Variants in NFAT5 observed in about 807,000 individuals in gnomAD.
NFAT5 encodes the protein nuclear factor of activated T cells 5, also known as nuclear factor of activated T-cells 5.
In NFAT5, 31 loss-of-function variants were observed where a neutral mutation model predicts 166.5. The observed-to-expected ratio is 0.19, with a 90% CI of 0.14 to 0.25. The LOEUF (loss-of-function observed/expected upper bound fraction) is 0.25. NFAT5 is among the 10% of genes least tolerant of loss of function. NFAT5 has a pLI of 1.00. For missense variants in NFAT5, 1,449 were observed against 1,821.8 expected (o/e 0.80, Z 3.72); for synonymous variants, 612 against 639.7 (o/e 0.96, Z 0.65).
chr16:69,690,991 C>T lies in NFAT5; in HGVS notation c.1826C>T (p.Ala609Val). The T allele has an allele frequency of 6.2e-7, 1 of 1,607,880 alleles. No individual in the cohort carries two copies. Among genetic ancestry groups the T allele is most frequent in the Non-Finnish European group, 8.5e-7 (1 of 1,177,076 alleles). ...NLDKVNIIPN[A>V]LMTPLIPSSM... ...GATAAGGTAAATATTATCCCTAATG[C>T]CCTGATGACTCCACTCATACCAAGC... The change falls in exon 12 of 15, where the codon GCC (alanine) becomes GTC (valine). Residue 609 changes from alanine (A) to valine (V), a missense_variant. By Grantham distance (64) the Ala-to-Val change is moderately conservative (BLOSUM62 0). This residue lies in a region of NFAT5 where 245 missense variants were observed against 366.6 expected (regional missense o/e 0.67). Transcript: ENST00000349945.
intron 2 of NFAT5, among the ~76,000 whole-genome samples, chr16:69,606,027 A>C (rs1299502395): frequency 6.6e-6 from 1 of 151,914 alleles, no homozygotes; most frequent in Non-Finnish European, 1.5e-5. Flanking sequence ...TTTTTCTTTT[A>C]ATAGGAATGT....
intron 3 of NFAT5, among the ~76,000 whole-genome samples, chr16:69,641,658 T>A (rs1434506379): frequency 6.6e-6 from 1 of 152,202 alleles, no homozygotes; most frequent in African/African-American, 2.4e-5. Context: ...ATATCTTTTT[T>A]ATGATATTTT....
At chr16:69,648,590 G>A in intron 4 of NFAT5, 1 of 984,132 alleles carries the variant, frequency 1.0e-6, no homozygotes, top group South Asian at 4.7e-5. Context: ...CAATAGCTAT[G>A]TTACAGAATA....
At chr16:69,569,017 G>A (rs2016277133) in intron 2 of NFAT5, among the ~76,000 whole-genome samples, 1 of 152,136 alleles carries the variant, frequency 6.6e-6, no homozygotes, top group African/African-American at 2.4e-5. Flanking sequence ...ATACTTAAGG[G>A]TAAGGAAAGC....
At position 69,693,810 on chromosome 16, in the gene NFAT5, C is replaced by G. The variant is rs2037657250; in HGVS notation, c.3985C>G (p.Gln1329Glu). 1 of 1,614,086 alleles carries G rather than the reference C, an allele frequency of 6.2e-7. No individual in the cohort carries two copies. The highest frequency in any genetic ancestry group is 1.1e-5 in the South Asian group (1 of 91,086). ...GCAACAGAACCAGTCAATTTTTCACCAACAAAGTAACATGGCCCCAATGAA... is the reference window on the plus strand; with the variant it reads ...GCAACAGAACCAGTCAATTTTTCACGAACAAAGTAACATGGCCCCAATGAA... ...QEQQNQSIFHQQSNMAPMNQE... is the reference protein window; with the variant it reads ...QEQQNQSIFHEQSNMAPMNQE... Residue 1329 changes from glutamine (Q) to glutamate (E), a missense_variant, in exon 13 of 15, where the codon CAA becomes GAA. Physicochemically the swap from Gln to Glu is conservative, Grantham distance 29. Transcript: ENST00000349945.
At chr16:69,681,925 A>G (rs537891198) in intron 10 of NFAT5, among the ~76,000 whole-genome samples, 1 of 151,346 alleles carries the variant, frequency 6.6e-6, no homozygotes, top group South Asian at 2.1e-4. Context: ...CTGAAAAAAA[A>G]AAAAAAAAAG....
chr16:69,601,397 T>A (rs2033125263), intron 2 of NFAT5, among the ~76,000 whole-genome samples: 1 of 152,164 alleles, frequency 6.6e-6, no homozygotes. Flanking sequence ...AGACAGAGTC[T>A]CTCTCTGTTG....
rs773730369 is a variant in NFAT5, at chr16:69,653,231, C to G, written c.813-5C>G. 6.5e-7 allele frequency: 1 copy of G among 1,541,458 alleles called. No homozygotes were observed. Among genetic ancestry groups the G allele is most frequent in the Non-Finnish European group, 8.7e-7 (1 of 1,153,056 alleles). ...CTTTCTCCATGTTGTGCTTTGATTT[C>G]TCAGAACATTGGAAAACCAAAAAGG... On this transcript the variant is annotated splice_polypyrimidine_tract_variant and splice_region_variant and intron_variant, in intron 4 of 14. Coordinates refer to ENST00000349945, the MANE Select transcript of NFAT5 (RefSeq NM_138713.4).
intron 1 of NFAT5, among the ~76,000 whole-genome samples, chr16:69,567,547 A>G (rs1192120312): frequency 4.6e-5 from 7 of 152,220 alleles, no homozygotes; most frequent in African/African-American, 1.7e-4. Context: ...CCTCCAAAAA[A>G]GGGACTTCAC....
At chr16:69,643,905 C>T (rs1049693274) in intron 3 of NFAT5, among the ~76,000 whole-genome samples, 3 of 152,168 alleles carry the variant, frequency 2.0e-5, no homozygotes, top group Non-Finnish European at 4.4e-5. Context: ...TTAATGCACT[C>T]AGATCTCTTG....
intron 2 of NFAT5, among the ~76,000 whole-genome samples, chr16:69,612,669 G>T (rs2033757214): frequency 6.6e-6 from 1 of 151,838 alleles, no homozygotes; most frequent in African/African-American, 2.4e-5. Flanking sequence ...AACAAAAGGA[G>T]ACCCTGTCTC....
intron 2 of NFAT5, among the ~76,000 whole-genome samples, chr16:69,616,123 G>A (rs922608638): frequency 2.0e-5 from 3 of 152,012 alleles, no homozygotes; most frequent in Non-Finnish European, 2.9e-5. Context: ...GCCTATCTAC[G>A]GAAATGCCCT....
intron 2 of NFAT5, among the ~76,000 whole-genome samples, chr16:69,599,339 G>C (rs545926272): frequency 6.6e-6 from 1 of 152,326 alleles, no homozygotes; most frequent in African/African-American, 2.4e-5. Context: ...CACTTCGGGA[G>C]GCTGAGGAGG....
chr16:69,693,686 A>G lies in NFAT5; in HGVS notation c.3861A>G (p.Leu1287=). The change falls in exon 13 of 15, where the codon TTA becomes TTG. Residue 1287 remains leucine, a synonymous_variant. Coordinates refer to ENST00000349945, the MANE Select transcript of NFAT5 (RefSeq NM_138713.4). ...QQQQQQQQSI[L]FSNQNTMATM... ...AGCAGCAACAACAACAGAGCATTTT[A>G]TTCAGTAATCAGAATACCATGGCTA... 6.2e-7 allele frequency: 1 copy of G among 1,614,236 alleles called. No homozygotes were observed. Among genetic ancestry groups the G allele is most frequent in the Non-Finnish European group, 8.5e-7 (1 of 1,180,036 alleles).
intron 10 of NFAT5, among the ~76,000 whole-genome samples, chr16:69,679,183 G>A (rs561015096): frequency 3.3e-5 from 5 of 151,948 alleles, no homozygotes; most frequent in South Asian, 2.1e-4. Context: ...TGCCCGCCTC[G>A]GCCTCCCAAA....
At chr16:69,636,950 C>T (rs945749914) in intron 3 of NFAT5, among the ~76,000 whole-genome samples, 5 of 152,286 alleles carry the variant, frequency 3.3e-5, no homozygotes, top group South Asian at 2.1e-4. Flanking sequence ...TCTTTTCTGT[C>T]GCATAGTCAG....
intron 3 of NFAT5, among the ~76,000 whole-genome samples, chr16:69,634,313 A>T (rs1317667566): frequency 2.6e-5 from 4 of 152,034 alleles, no homozygotes; most frequent in African/African-American, 9.7e-5. Context: ...TACATAGTAA[A>T]ATGGTAGCAT....
intron 2 of NFAT5, among the ~76,000 whole-genome samples, chr16:69,611,005 C>G (rs2033682351): frequency 6.6e-6 from 1 of 152,144 alleles, no homozygotes; most frequent in African/African-American, 2.4e-5. Flanking sequence ...TGTACCTATG[C>G]ACACGAAATG....
intron 3 of NFAT5, among the ~76,000 whole-genome samples, chr16:69,628,291 T>C (rs1368211206): frequency 2.0e-5 from 3 of 151,786 alleles, no homozygotes; most frequent in Admixed American, 6.6e-5. Context: ...AAGCTGTGAG[T>C]TGAAAAATCA....
Sources: gnomAD v4.1 joint callset for allele counts (sites outside exome capture counted in the v4.1 genomes callset) on GRCh38, gnomAD v4.1.1 for gene constraint, gnomAD v4.1.1 regional missense constraint, MANE v1.5 for transcripts, NCBI Gene and HGNC (gene_info 2026-07-23, HGNC 2026-07-21) for gene names.